The following CSMD1 variants were observed in gnomAD, a reference collection of about 807,000 sequenced individuals.
CSMD1 encodes CUB and Sushi multiple domains 1.
A neutral mutation model predicts 417.5 loss-of-function variants in CSMD1; 213 were observed. That is an observed-to-expected ratio of 0.51 (90% CI 0.46 to 0.57). The LOEUF (loss-of-function observed/expected upper bound fraction) is 0.57, where lower values mean the gene tolerates loss of function less well. CSMD1 is among the 20% of genes least tolerant of loss of function. CSMD1 has a pLI of 0.00. For synonymous variants in CSMD1, 2,862 were observed against 1,736.8 expected (o/e 1.65, Z -16.11); for missense variants, 6,923 against 4,529.7 (o/e 1.53, Z -15.17).
chr8:4,801,182 C>G (rs1460051140), intron 1 of CSMD1, among the ~76,000 whole-genome samples: 1 of 152,134 alleles, frequency 6.6e-6, no homozygotes, highest in Non-Finnish European at 1.5e-5. Flanking sequence ...CTGTCTGTGC[C>G]CTTTTCCTAC....
intron 7 of CSMD1, among the ~76,000 whole-genome samples, chr8:3,669,484 T>C (rs902585300): frequency 1.3e-5 from 2 of 152,158 alleles, no homozygotes; most frequent in African/African-American, 2.4e-5. Flanking sequence ...TAATTAGATA[T>C]CCTCTACTAA....
intron 4 of CSMD1, among the ~76,000 whole-genome samples, chr8:4,029,895 G>A (rs557910881): frequency 6.9e-6 from 1 of 145,400 alleles, no homozygotes; most frequent in Non-Finnish European, 1.5e-5. Flanking sequence ...GGGAGAAATT[G>A]GTCAAAACAA....
chr8:3,674,442 T>C (rs956380559), intron 7 of CSMD1, among the ~76,000 whole-genome samples: 2 of 152,124 alleles, frequency 1.3e-5, no homozygotes, highest in Admixed American at 6.6e-5. Flanking sequence ...AATACCACCA[T>C]GGCTATTATC....
At chr8:3,674,694 G>C (rs189048237) in intron 7 of CSMD1, among the ~76,000 whole-genome samples, 6 of 152,216 alleles carry the variant, frequency 3.9e-5, no homozygotes, top group African/African-American at 1.2e-4. Flanking sequence ...CAGAGGCAGA[G>C]AATGAGATGA....
intron 7 of CSMD1, among the ~76,000 whole-genome samples, chr8:3,637,709 G>A (rs1303125362): frequency 6.6e-6 from 1 of 152,166 alleles, no homozygotes; most frequent in Non-Finnish European, 1.5e-5. Context: ...GCATACAGGT[G>A]TTAAGTAGGG....
At chr8:4,908,197 T>C (rs1196975538) in intron 1 of CSMD1, among the ~76,000 whole-genome samples, 1 of 152,192 alleles carries the variant, frequency 6.6e-6, no homozygotes, top group East Asian at 1.9e-4. Context: ...TCTCTTCTTG[T>C]TTGCAGTTTC....
intron 1 of CSMD1, among the ~76,000 whole-genome samples, chr8:4,981,425 G>C (rs1196885633): frequency 6.6e-6 from 1 of 152,164 alleles, no homozygotes; most frequent in East Asian, 1.9e-4. Flanking sequence ...TATCCAACAA[G>C]AGTATAAGGG....
intron 1 of CSMD1, among the ~76,000 whole-genome samples, chr8:4,790,358 T>C (rs183703100): frequency 6.6e-6 from 1 of 152,208 alleles, no homozygotes; most frequent in East Asian, 1.9e-4. Context: ...CATTCCATGC[T>C]CATGGACAGG....
chr8:4,172,759 C>T (rs1797837207), intron 3 of CSMD1, among the ~76,000 whole-genome samples: 1 of 152,148 alleles, frequency 6.6e-6, no homozygotes, highest in Non-Finnish European at 1.5e-5. Flanking sequence ...GCTTCCACCT[C>T]TTTCTTGGAT....
At chr8:4,150,140 CTG>C (rs1796492276) in intron 3 of CSMD1, among the ~76,000 whole-genome samples, 1 of 152,160 alleles carries the variant, frequency 6.6e-6, no homozygotes, top group Non-Finnish European at 1.5e-5. Flanking sequence ...AAGGAATAAA[CTG>C]TGATATCTTG....
intron 6 of CSMD1, among the ~76,000 whole-genome samples, chr8:3,712,589 G>C (rs78015624): frequency 6.6e-6 from 1 of 152,112 alleles, no homozygotes; most frequent in Non-Finnish European, 1.5e-5. Flanking sequence ...AAAATATTTC[G>C]TGATTGATGA....
intron 12 of CSMD1, among the ~76,000 whole-genome samples, chr8:3,453,057 T>G (rs1815854927): frequency 6.6e-6 from 1 of 152,218 alleles, no homozygotes; most frequent in East Asian, 1.9e-4. Flanking sequence ...AGAGTGTATG[T>G]GTCGAGGAAT....
At chr8:3,279,523 A>T (rs1295711882) in intron 26 of CSMD1, among the ~76,000 whole-genome samples, 1 of 152,212 alleles carries the variant, frequency 6.6e-6, no homozygotes, top group African/African-American at 2.4e-5. Context: ...GGTACGTATG[A>T]CAATCCCAGT....
intron 67 of CSMD1, 103 bp from the exon 68 acceptor site, chr8:2,949,489 T>G: frequency 1.8e-6 from 1 of 544,672 alleles, no homozygotes. Context: ...TATCTCATAT[T>G]TAGATACTAC....
rs777145121 is a variant in CSMD1 at position 3,162,246 on chromosome 8, G to A, written c.5757C>T (p.Ala1919=). 3 of 1,610,450 alleles carry A rather than the reference G, an allele frequency of 1.9e-6. No homozygotes were observed. The South Asian group carries it at 3.3e-5, about 18-fold the overall frequency. ...TVGLAACQEP[A]LPSNSIKIGD... ...CGATTTTGATGCTGTTGCTGGGGAG[G>A]GCTGGTTCTTGGCATGCAGCAAGAC... The change falls in exon 38 of 70, where the codon GCC becomes GCT. Residue 1919 remains alanine, a synonymous_variant. Transcript: ENST00000635120.
At chr8:4,824,636 C>A (rs951321190) in intron 1 of CSMD1, among the ~76,000 whole-genome samples, 1 of 152,122 alleles carries the variant, frequency 6.6e-6, no homozygotes, top group African/African-American at 2.4e-5. Context: ...TGTGCGAACA[C>A]ACCCAACAGA....
At position 4,289,987 on chromosome 8, in the gene CSMD1, T is replaced by G. The variant is rs114007572; in HGVS notation, c.415+129966A>C. On this transcript the variant is annotated intron_variant, in intron 3 of 69. Transcript: ENST00000635120. ...TCATTATTTCATTCAGCTTGTATAT[T>G]TAAGGAATGTGTTATGTGCTAAGCA... is the stretch of plus-strand genomic sequence containing the variant. 8.2e-3 allele frequency among the ~76,000 whole-genome samples: 1,242 copies of G among 152,266 alleles called. 14 individuals carry two copies. Among genetic ancestry groups the G allele is most frequent in the African/African-American group, 0.029 (1,206 of 41,556 alleles).
chr8:4,207,600 A>T (rs1585023853), intron 3 of CSMD1, among the ~76,000 whole-genome samples: 1 of 152,262 alleles, frequency 6.6e-6, no homozygotes, highest in Admixed American at 6.5e-5. Flanking sequence ...TTTAATATTC[A>T]ATTCAGTAAG....
At chr8:4,748,798 G>A (rs922366372) in intron 1 of CSMD1, among the ~76,000 whole-genome samples, 2 of 152,178 alleles carry the variant, frequency 1.3e-5, no homozygotes, top group African/African-American at 4.8e-5. Flanking sequence ...TAGCGTGTTA[G>A]CATCACCATT....
Sources: gnomAD v4.1 joint callset for allele counts (sites outside exome capture counted in the v4.1 genomes callset) on GRCh38, gnomAD v4.1.1 for gene constraint, MANE v1.5 for transcripts, NCBI Gene and HGNC (gene_info 2026-07-23, HGNC 2026-07-21) for gene names.